AQP10: variants seen among roughly 807,000 people sequenced by gnomAD.
AQP10 encodes the protein aquaporin 10.
AQP10 carries 15 observed loss-of-function variants against 21.0 expected under a neutral mutation model. The ratio of observed to expected loss-of-function variants is 0.71; its 90% CI spans 0.48 to 1.10. The LOEUF (loss-of-function observed/expected upper bound fraction) is 1.10, where lower values mean the gene tolerates loss of function less well. AQP10 is among the 50% of genes least tolerant of loss of function. The probability of loss-of-function intolerance (pLI) is 0.00; values close to 1 mark genes in which losing one functional copy is unlikely to be tolerated. For synonymous variants in AQP10, 143 were observed against 155.7 expected (o/e 0.92, Z 0.61); for missense variants, 268 against 379.5 (o/e 0.71, Z 2.44).
At chr1:154,321,392 T>C in intron 1 of AQP10, 132 bp downstream of exon 1, 1 of 596,830 alleles carries the variant, frequency 1.7e-6, no homozygotes, top group Non-Finnish European at 2.8e-6. Flanking sequence ...TTTTATCCTC[T>C]CGTCTCTCCT....
intron 2 of AQP10, 116 bp downstream of exon 2, chr1:154,322,175 C>T: frequency 6.8e-7 from 1 of 1,477,750 alleles, no homozygotes; most frequent in Non-Finnish European, 9.1e-7. Flanking sequence ...TCCCCTTGAA[C>T]AGTGTCCCAG....
chr1:154,324,169 C>T, intron 5 of AQP10, 113 bp from the exon 6 acceptor site: 2 of 1,179,244 alleles, frequency 1.7e-6, no homozygotes, highest in Non-Finnish European at 2.3e-6. Flanking sequence ...TTCCTGGTGT[C>T]TACCACCCTG....
At chr1:154,322,193 T>C (rs1685660627) in intron 2 of AQP10, 134 bp downstream of exon 2, 2 of 1,398,252 alleles carry the variant, frequency 1.4e-6, no homozygotes, top group African/African-American at 2.9e-5. Flanking sequence ...CAGACTGAAA[T>C]AAGCCTTTGG....
intron 5 of AQP10, chr1:154,324,077 A>C: frequency 1.6e-6 from 2 of 1,283,180 alleles, no homozygotes; most frequent in Non-Finnish European, 1.0e-6. Context: ...TATTCAGATA[A>C]TTCCCTAAGG....
At position 154,324,709 on chromosome 1, in the gene AQP10, T is replaced by A. The variant is rs1420870846; in HGVS notation, c.*229T>A. 8.5e-6 allele frequency: 4 copies of A among 471,356 alleles called. No homozygotes were observed. Among genetic ancestry groups the A allele is most frequent in the African/African-American group, 8.0e-5 (4 of 49,906 alleles). The allele number at this position is 471,356 out of a possible 1,614,324, so 29.2% of individuals were successfully genotyped here. A position where few individuals can be genotyped will look rare whatever the true frequency, so the allele number is the denominator to read the frequency against. Reference sequence around the variant, plus strand: ...TCATCCCCTCCTCCCGCAAAGCGGTTTTCTGACCCTCAGGGCCTCTCGGAA... The same window carrying A: ...TCATCCCCTCCTCCCGCAAAGCGGTATTCTGACCCTCAGGGCCTCTCGGAA... On this transcript the variant is annotated 3_prime_UTR_variant, in exon 6 of 6. Coordinates refer to ENST00000324978, the MANE Select transcript of AQP10 (RefSeq NM_080429.3).
At chr1:154,321,528 A>G (rs1685640854) in intron 1 of AQP10, among the ~76,000 whole-genome samples, 1 of 152,170 alleles carries the variant, frequency 6.6e-6, no homozygotes, top group Non-Finnish European at 1.5e-5. Context: ...TTTATGAAAG[A>G]CCATTTTCAT....
chr1:154,322,492 T>TTCTTC (rs1558263943), intron 2 of AQP10, among the ~76,000 whole-genome samples: 1 of 35,962 alleles, frequency 2.8e-5, no homozygotes. Context: ...TCTTCTTCTT[T>TTCTTC]TTTTTTTTTT....
chr1:154,321,933 C>G lies in AQP10; in HGVS notation c.106C>G (p.Leu36Val). ...TCCTCATCTCTCCTCTTCTCAGCAG[C>G]TCCTCACCCAAGGAGCTGTGGCCCA... ...AEFLGVFVLM[L>V]LTQGAVAQAV... is the part of the protein sequence containing the mutation. Residue 36 changes from leucine (L) to valine (V), a missense_variant and splice_region_variant, in exon 2 of 6, where the codon CTC (leucine) becomes GTC (valine). By Grantham distance (32) the Leu-to-Val change is conservative (BLOSUM62 1). Transcript: ENST00000324978. 6.2e-7 allele frequency: 1 copy of G among 1,612,194 alleles called. No homozygotes were observed. The highest frequency in any genetic ancestry group is 1.1e-5 in the South Asian group (1 of 90,914).
intron 2 of AQP10, among the ~76,000 whole-genome samples, chr1:154,322,300 G>A (rs1471397529): frequency 6.6e-6 from 1 of 152,092 alleles, no homozygotes; most frequent in African/African-American, 2.4e-5. Flanking sequence ...GGCACGAAGG[G>A]CAGCTGCTAT....
chr1:154,321,214 T>G lies in AQP10; in HGVS notation c.59T>G (p.Leu20Arg), dbSNP rs1384556904. 2 of 1,613,748 alleles carry G rather than the reference T, an allele frequency of 1.2e-6. No individual in the cohort carries two copies. Among genetic ancestry groups the G allele is most frequent in the Admixed American group, 3.3e-5 (2 of 59,972 alleles). Residue 20 changes from leucine to arginine, a missense_variant, in exon 1 of 6, where the codon CTG becomes CGG. Coordinates refer to ENST00000324978, the MANE Select transcript of AQP10 (RefSeq NM_080429.3). ...GGCCACCTCCGGATACGCAGCCTCCTGGCCCGGCAGTGCCTGGCAGAGTTT... is the reference window on the plus strand; with the variant it reads ...GGCCACCTCCGGATACGCAGCCTCCGGGCCCGGCAGTGCCTGGCAGAGTTT... Reference protein sequence around the residue: ...IMGHLRIRSLLARQCLAEFLG... With the variant: ...IMGHLRIRSLRARQCLAEFLG...
intron 2 of AQP10, among the ~76,000 whole-genome samples, chr1:154,322,437 T>TG (rs1685665932): frequency 6.6e-6 from 1 of 150,636 alleles, no homozygotes; most frequent in East Asian, 1.9e-4. Flanking sequence ...TGTGTTGCTG[T>TG]GGAAAAAGCA....
intron 5 of AQP10, chr1:154,324,021 C>T: frequency 1.4e-6 from 2 of 1,420,214 alleles, no homozygotes; most frequent in Non-Finnish European, 1.8e-6. Context: ...TTAGGCATGC[C>T]ACATTACTTC....
chr1:154,321,097 A>G lies in AQP10; in HGVS notation c.-59A>G. On this transcript the variant is annotated 5_prime_UTR_variant, in exon 1 of 6. Transcript: ENST00000324978. ...TGCTGGAGGCAGGCAGTAGCTGTGC[A>G]GTGACAGTGTGCCTATGCAGACAGA... 4 of 1,404,144 alleles carry G rather than the reference A, an allele frequency of 2.8e-6. No individual in the cohort carries two copies. Among genetic ancestry groups the G allele is most frequent in the East Asian group, 2.4e-5 (1 of 42,196 alleles). The allele number at this position is 1,404,144 out of a possible 1,614,324, so 87.0% of individuals were successfully genotyped here.
In AQP10 at chr1:154,323,227, C is replaced by T. The variant is rs757819904; in HGVS notation, c.371-14C>T. ...AGCAAAGAGGGAAATCCTGGGTGTT[C>T]CCTTCCTCCACAGATGCCCTACAGA... On this transcript the variant is annotated splice_polypyrimidine_tract_variant and intron_variant, in intron 3 of 5. Transcript: ENST00000324978. The surrounding 1 kb of genome is among the most constrained non-coding windows in gnomAD (Gnocchi z 4.5). The T allele has an allele frequency of 3.6e-5, 58 of 1,613,630 alleles. No individual in the cohort carries two copies. Among genetic ancestry groups the T allele is most frequent in the Non-Finnish European group, 4.7e-5 (55 of 1,179,758 alleles).
chr1:154,323,384 G>A lies in AQP10; in HGVS notation c.489+25G>A. 6.2e-7 allele frequency: 1 copy of A among 1,603,422 alleles called. No homozygotes were observed. The highest frequency in any genetic ancestry group is 8.5e-7 in the Non-Finnish European group (1 of 1,171,194). On this transcript the variant is annotated intron_variant, in intron 4 of 5. Coordinates refer to ENST00000324978, the MANE Select transcript of AQP10 (RefSeq NM_080429.3). The surrounding 1 kb of genome is among the most constrained non-coding windows in gnomAD (Gnocchi z 4.5). ...GGTAAGTGTGAGGGGGAGACCTGGG[G>A]ACACTACTTTGGTCCTGTTCCTCGG...
chr1:154,324,391 G>C lies in AQP10; in HGVS notation c.817G>C (p.Glu273Gln). 1 of 1,613,636 alleles carries C rather than the reference G, an allele frequency of 6.2e-7. No homozygotes were observed. The highest frequency in any genetic ancestry group is 8.5e-7 in the Non-Finnish European group (1 of 1,179,992). ...LVALHHPEGP[E>Q]PAQDLVSAQH... The stretch of plus-strand genomic sequence containing the variant: ...GGCTCTGCACCACCCTGAGGGCCCA[G>C]AGCCAGCTCAGGATCTGGTGTCTGC... The change falls in exon 6 of 6, where the codon GAG becomes CAG. Residue 273 changes from glutamate to glutamine, a missense_variant. Transcript: ENST00000324978.
chr1:154,322,067 G>T lies in AQP10; in HGVS notation c.232+8G>T, dbSNP rs1223965292. 2.5e-6 allele frequency: 4 copies of T among 1,612,972 alleles called. No individual in the cohort carries two copies. Among genetic ancestry groups the T allele is most frequent in the Non-Finnish European group, 2.5e-6 (3 of 1,179,508 alleles). On this transcript the variant is annotated splice_region_variant and intron_variant, in intron 2 of 5. Coordinates refer to ENST00000324978, the MANE Select transcript of AQP10 (RefSeq NM_080429.3). ...TGGGTGGTAACGTCTCAGGTGAGGA[G>T]GGTGGGGTCTGGTCATCAGAGCACG... is the stretch of plus-strand genomic sequence containing the variant.
chr1:154,321,319 T>A, intron 1 of AQP10, 59 bp downstream of exon 1: 2 of 1,388,066 alleles, frequency 1.4e-6, no homozygotes. Context: ...CCTGGCTCCT[T>A]CTGTTGTCCT....
rs1685640345 is a variant in AQP10, at chr1:154,321,477, T to C, written c.105+217T>C. Among the ~76,000 whole-genome samples, 4 of 152,226 alleles carry C rather than the reference T, an allele frequency of 2.6e-5. No homozygotes were observed. The South Asian group carries it at 8.3e-4, about 31-fold the overall frequency. On this transcript the variant is annotated intron_variant, in intron 1 of 5. Transcript: ENST00000324978. ...TCTTTCTTTAATAACAAGTGTATCA[T>C]AGTTCTTGAAACATAATTTTTCTCT...
Sources: allele counts gnomAD v4.1 joint callset (sites outside exome capture counted in the v4.1 genomes callset), GRCh38; gene constraint gnomAD v4.1.1; non-coding constraint Gnocchi (gnomAD v3.1); transcripts MANE v1.5; gene names NCBI Gene and HGNC (gene_info 2026-07-23, HGNC 2026-07-21).